The following SRPK2 variants were observed in gnomAD, a reference collection of about 807,000 sequenced individuals.
SRPK2 encodes the protein SRSF protein kinase 2.
SRPK2 carries 21 observed loss-of-function variants against 90.8 expected under a neutral mutation model. The observed-to-expected ratio is 0.23, with a 90% CI of 0.16 to 0.33. The LOEUF is 0.33. SRPK2 is among the 10% of genes least tolerant of loss of function. SRPK2 has a pLI of 1.00. For missense variants in SRPK2, 620 were observed against 869.0 expected, an observed-to-expected ratio of 0.71 and a Z score of 3.60; for synonymous variants, 288 against 311.1, an observed-to-expected ratio of 0.93 and a Z score of 0.78.
At chr7:105,302,232 A>C in intron 2 of SRPK2, 1 of 699,504 alleles carries the variant, frequency 1.4e-6, no homozygotes. Flanking sequence ...GTAAGTTGAA[A>C]GTTCATGAAG....
chr7:105,307,396 T>C (rs1811257700), intron 2 of SRPK2, among the ~76,000 whole-genome samples: 2 of 152,212 alleles, frequency 1.3e-5, no homozygotes, highest in South Asian at 4.1e-4. Flanking sequence ...AATAAGTAAG[T>C]GTTTTGCTCT....
rs1470050073 is a variant in SRPK2 at position 105,181,893 on chromosome 7, A to AC, written c.230-12629_230-12628insG. ...CCTAAGATAAAAGTAAAAAAAAAAA[A>AC]AAACAGAAAACACACACACAAAAAC... On this transcript the variant is annotated intron_variant, in intron 3 of 15. Transcript: ENST00000393651. 7.5e-5 allele frequency among the ~76,000 whole-genome samples: 11 copies of AC among 147,294 alleles called. 1 individual carries two copies. In the South Asian group the frequency reaches 1.3e-3, roughly 17 times the overall value.
chr7:105,150,946 A>G (rs1805553360), intron 7 of SRPK2, among the ~76,000 whole-genome samples: 1 of 152,142 alleles, frequency 6.6e-6, no homozygotes, highest in Non-Finnish European at 1.5e-5. Context: ...CTTCTTTCAC[A>G]GTTCAAAGGT....
At chr7:105,386,893 A>G (rs143475426) in intron 2 of SRPK2, among the ~76,000 whole-genome samples, 3 of 152,288 alleles carry the variant, frequency 2.0e-5, no homozygotes, top group African/African-American at 7.2e-5. Context: ...TATACACAAT[A>G]CACAGTGGGA....
intron 2 of SRPK2, among the ~76,000 whole-genome samples, chr7:105,355,830 T>G (rs1045479371): frequency 6.6e-6 from 1 of 151,938 alleles, no homozygotes; most frequent in Non-Finnish European, 1.5e-5. Flanking sequence ...AGCAGATCCC[T>G]TGAGGTCAGG....
At chr7:105,269,934 T>C (rs1805606567) in intron 2 of SRPK2, among the ~76,000 whole-genome samples, 1 of 152,200 alleles carries the variant, frequency 6.6e-6, no homozygotes, top group African/African-American at 2.4e-5. Context: ...GCCAATAAAA[T>C]GCTATCAACA....
intron 2 of SRPK2, among the ~76,000 whole-genome samples, chr7:105,214,645 TAAAC>T (rs1797234562): frequency 6.6e-6 from 1 of 152,154 alleles, no homozygotes; most frequent in Non-Finnish European, 1.5e-5. Context: ...AGAAATAAAT[TAAAC>T]AAAAGAAGTT....
chr7:105,335,322 T>C (rs1814966403), intron 2 of SRPK2, among the ~76,000 whole-genome samples: 1 of 152,200 alleles, frequency 6.6e-6, no homozygotes, highest in Non-Finnish European at 1.5e-5. Context: ...TTAAAAGAAC[T>C]ATGAGCAAAT....
intron 2 of SRPK2, among the ~76,000 whole-genome samples, chr7:105,246,468 C>G (rs1178144610): frequency 6.6e-6 from 1 of 152,194 alleles, no homozygotes; most frequent in Non-Finnish European, 1.5e-5. Flanking sequence ...ACATATAGAT[C>G]TGTGGCTCAG....
At chr7:105,202,826 G>A (rs941150643) in intron 3 of SRPK2, among the ~76,000 whole-genome samples, 1 of 152,098 alleles carries the variant, frequency 6.6e-6, no homozygotes, top group Non-Finnish European at 1.5e-5. Context: ...GACAATAAAC[G>A]CTATGTAATT....
intron 2 of SRPK2, among the ~76,000 whole-genome samples, chr7:105,255,292 C>G (rs1319433612): frequency 6.6e-6 from 1 of 151,588 alleles, no homozygotes; most frequent in Non-Finnish European, 1.5e-5. Context: ...TTGTTAGTCA[C>G]CTTTACTAGT....
chr7:105,167,075 T>C (rs1790163459), intron 6 of SRPK2, among the ~76,000 whole-genome samples: 1 of 152,020 alleles, frequency 6.6e-6, no homozygotes, highest in African/African-American at 2.4e-5. Flanking sequence ...TGCTGATGTA[T>C]GCTTTTATCT....
chr7:105,233,159 G>A (rs1799724984), intron 2 of SRPK2, among the ~76,000 whole-genome samples: 1 of 150,066 alleles, frequency 6.7e-6, no homozygotes, highest in African/African-American at 2.5e-5. Flanking sequence ...AAGGGGAAAG[G>A]GAAGGAAGGA....
intron 3 of SRPK2, among the ~76,000 whole-genome samples, chr7:105,201,275 C>T (rs1376041284): frequency 2.0e-5 from 3 of 152,070 alleles, no homozygotes; most frequent in African/African-American, 4.8e-5. Context: ...ACTAAAGGTA[C>T]AAGTTACTTA....
chr7:105,270,171 T>C (rs1017220128), intron 2 of SRPK2, among the ~76,000 whole-genome samples: 1 of 152,210 alleles, frequency 6.6e-6, no homozygotes, highest in Admixed American at 6.5e-5. Context: ...ATGAGCATTA[T>C]AAAAGCGGCA....
At chr7:105,143,383 T>A in intron 9 of SRPK2, 53 bp from the exon 10 acceptor site, 2 of 1,576,894 alleles carry the variant, frequency 1.3e-6, no homozygotes, top group East Asian at 4.5e-5. Flanking sequence ...AGCACCACGA[T>A]AGTATAACGA....
At chr7:105,267,579 TCTA>T (rs1585444245) in intron 2 of SRPK2, among the ~76,000 whole-genome samples, 2 of 152,198 alleles carry the variant, frequency 1.3e-5, no homozygotes, top group Admixed American at 6.5e-5. Context: ...CCTAAAATTT[TCTA>T]CTTTCAGTCT....
chr7:105,194,484 A>G (rs1459351812), intron 3 of SRPK2, among the ~76,000 whole-genome samples: 1 of 152,214 alleles, frequency 6.6e-6, no homozygotes, highest in African/African-American at 2.4e-5. Context: ...CACAAACACT[A>G]ATAAATAAGC....
At chr7:105,233,736 T>G (rs1435871132) in intron 2 of SRPK2, among the ~76,000 whole-genome samples, 1 of 152,124 alleles carries the variant, frequency 6.6e-6, no homozygotes, top group African/African-American at 2.4e-5. Flanking sequence ...GGTGTGCACC[T>G]GTAATCCTAG....
Sources: gnomAD v4.1 joint callset for allele counts (sites outside exome capture counted in the v4.1 genomes callset) on GRCh38, gnomAD v4.1.1 for gene constraint, MANE v1.5 for transcripts, NCBI Gene and HGNC (gene_info 2026-07-23, HGNC 2026-07-21) for gene names.